Variants in PDCD6 observed in about 807,000 individuals in gnomAD.
The protein encoded by PDCD6 is programmed cell death 6, also known as programmed cell death protein 6.
PDCD6 carries 12 observed loss-of-function variants against 28.3 expected under a neutral mutation model. The observed-to-expected ratio is 0.42, with a 90% CI of 0.27 to 0.69. PDCD6 has a LOEUF of 0.69. Ranked by LOEUF, PDCD6 falls within the 30% of genes least tolerant of loss-of-function variation. The pLI is 0.22. For missense variants in PDCD6, 226 were observed against 269.9 expected (o/e 0.84, Z 1.14); for synonymous variants, 92 against 108.0 (o/e 0.85, Z 0.92).
intron 1 of PDCD6, among the ~76,000 whole-genome samples, chr5:272,209 A>T: frequency 7.2e-6 from 1 of 139,228 alleles, no homozygotes. Context: ...CGCCAGGTGG[A>T]GGGTCTCCAG....
chr5:288,265 AT>A (rs1266569163), intron 2 of PDCD6, among the ~76,000 whole-genome samples: 2 of 146,500 alleles, frequency 1.4e-5, no homozygotes, highest in Admixed American at 6.9e-5. Context: ...AAAATATAAC[AT>A]TTCCCCCCTT....
In PDCD6 at chr5:307,250, T is replaced by TGTGACG. The variant is rs2126769164; in HGVS notation, c.367+493_367+494insACGGTG. ...TCGGCGTGTGTGTGCTCGGCGTGTG[T>TGTGACG]GTGCTCGGCGTGTGTGTGCACACGT... is the stretch of plus-strand genomic sequence containing the variant. On this transcript the variant is annotated intron_variant, in intron 4 of 5. Coordinates refer to ENST00000264933, the MANE Select transcript of PDCD6 (RefSeq NM_013232.4). The surrounding 1 kb of genome is among the most constrained non-coding windows in gnomAD (Gnocchi z 6.1). 1.7e-5 allele frequency among the ~76,000 whole-genome samples: 2 copies of TGTGACG among 116,900 alleles called. No homozygotes were observed. Among genetic ancestry groups the TGTGACG allele is most frequent in the African/African-American group, 9.4e-5 (2 of 21,378 alleles). 76.7% of individuals were successfully genotyped at this position (116,900 alleles called of 152,430 possible). A position where few individuals can be genotyped will look rare whatever the true frequency, so the allele number is the denominator to read the frequency against.
intron 2 of PDCD6, among the ~76,000 whole-genome samples, chr5:278,107 C>T (rs899208565): frequency 7.2e-5 from 11 of 152,170 alleles, no homozygotes; most frequent in African/African-American, 2.7e-4. Flanking sequence ...CCTCTTTTTC[C>T]TCTGCTGGCT....
intron 2 of PDCD6, among the ~76,000 whole-genome samples, chr5:299,779 C>T (rs2672774): frequency 6.6e-6 from 1 of 152,124 alleles, no homozygotes; most frequent in Non-Finnish European, 1.5e-5. Context: ...TCGATCTCCT[C>T]ACCTGGTGAT....
intron 2 of PDCD6, chr5:289,108 C>G (rs1318607164): frequency 8.4e-7 from 1 of 1,193,314 alleles, no homozygotes; most frequent in Non-Finnish European, 1.2e-6. Flanking sequence ...GATTATTTTT[C>G]TTGATTTTTT....
At chr5:299,742 G>A (rs547197911) in intron 2 of PDCD6, among the ~76,000 whole-genome samples, 107 of 152,118 alleles carry the variant, frequency 7.0e-4, no homozygotes, top group South Asian at 1.5e-3. Flanking sequence ...GTAGAGATGG[G>A]GTTTCACCAT....
At chr5:279,358 C>T (rs1198245736) in intron 2 of PDCD6, among the ~76,000 whole-genome samples, 1 of 152,112 alleles carries the variant, frequency 6.6e-6, no homozygotes, top group East Asian at 1.9e-4. Context: ...ACTGCCAGGC[C>T]TGCCCTCTTA....
In PDCD6 at chr5:278,546, C is replaced by CA. The variant is rs567758415; in HGVS notation, c.163+5790dup. Among the ~76,000 whole-genome samples, 1,135 of 124,744 alleles carry CA rather than the reference C, an allele frequency of 9.1e-3. 12 individuals carry two copies. Among genetic ancestry groups the CA allele is most frequent in the African/African-American group, 0.023 (794 of 34,218 alleles). 81.8% of individuals were successfully genotyped at this position (124,744 alleles called of 152,430 possible). On this transcript the variant is annotated intron_variant, in intron 2 of 5. Transcript: ENST00000264933. ...GCAACATGGCAGATCCTGTCTCTCCCAAAAAAAAAAAAAAAATTTAGCTGG... is the reference window on the plus strand; with the variant it reads ...GCAACATGGCAGATCCTGTCTCTCCCAAAAAAAAAAAAAAAAATTTAGCTGG...
chr5:312,373 T>G (rs939964626), intron 5 of PDCD6: 13 of 152,216 alleles, frequency 8.5e-5, no homozygotes, highest in African/African-American at 3.1e-4. Flanking sequence ...CAGTGAGAGA[T>G]AGGAACAGCA....
intron 2 of PDCD6, among the ~76,000 whole-genome samples, chr5:282,559 G>A (rs1460543896): frequency 4.0e-5 from 6 of 151,858 alleles, no homozygotes; most frequent in African/African-American, 1.2e-4. Context: ...CTGAAGACTC[G>A]GGGAGGAGCT....
At chr5:287,905 G>A (rs1739076480) in intron 2 of PDCD6, among the ~76,000 whole-genome samples, 1 of 152,176 alleles carries the variant, frequency 6.6e-6, no homozygotes, top group South Asian at 2.1e-4. Context: ...AAAGTTCAAG[G>A]AACCTGCTTG....
chr5:299,235 C>T (rs1442061479), intron 2 of PDCD6, among the ~76,000 whole-genome samples: 1 of 33,050 alleles, frequency 3.0e-5, no homozygotes, highest in Non-Finnish European at 5.4e-5. Context: ...GTTCCCCCTC[C>T]GCTGCTCCCC....
intron 2 of PDCD6, among the ~76,000 whole-genome samples, chr5:294,758 T>C (rs990051104): frequency 2.6e-5 from 4 of 152,318 alleles, no homozygotes; most frequent in African/African-American, 9.6e-5. Flanking sequence ...TTAGGCCTCA[T>C]TCCTCATTGC....
At chr5:280,786 G>A (rs540143189) in intron 2 of PDCD6, among the ~76,000 whole-genome samples, 9 of 148,532 alleles carry the variant, frequency 6.1e-5, no homozygotes, top group African/African-American at 1.2e-4. Context: ...GGGCAGGGCC[G>A]TGCTGGGCAC....
chr5:299,738 A>AC (rs1561044904), intron 2 of PDCD6, among the ~76,000 whole-genome samples: 3 of 152,042 alleles, frequency 2.0e-5, no homozygotes, highest in Non-Finnish European at 2.9e-5. Context: ...TTTAGTAGAG[A>AC]TGGGGTTTCA....
At chr5:292,064 A>T (rs1739345845) in intron 2 of PDCD6, among the ~76,000 whole-genome samples, 1 of 152,082 alleles carries the variant, frequency 6.6e-6, no homozygotes, top group African/African-American at 2.4e-5. Flanking sequence ...CAACACTGGC[A>T]TGGATTGGGT....
At chr5:278,268 C>T (rs1312412394) in intron 2 of PDCD6, among the ~76,000 whole-genome samples, 1 of 152,178 alleles carries the variant, frequency 6.6e-6, no homozygotes, top group Non-Finnish European at 1.5e-5. Context: ...ACACACCATT[C>T]ATGTGCCAGA....
chr5:277,503 G>A (rs549828371), intron 2 of PDCD6, among the ~76,000 whole-genome samples: 2 of 151,338 alleles, frequency 1.3e-5, no homozygotes, highest in Admixed American at 6.6e-5. Context: ...GGGTTTCACC[G>A]TGTCAGCCAG....
At chr5:289,333 A>G (rs1739176465) in intron 2 of PDCD6, 8 of 552,406 alleles carry the variant, frequency 1.4e-5, no homozygotes, top group South Asian at 9.2e-5. Context: ...ATTATGTACA[A>G]TTCTTTCACG....
Sources: gnomAD v4.1 joint callset for allele counts (sites outside exome capture counted in the v4.1 genomes callset) on GRCh38, gnomAD v4.1.1 for gene constraint, Gnocchi (gnomAD v3.1) non-coding constraint, MANE v1.5 for transcripts, NCBI Gene and HGNC (gene_info 2026-07-23, HGNC 2026-07-21) for gene names.